The following RIN3 variants were observed in gnomAD, a reference collection of about 807,000 sequenced individuals.
RIN3 encodes the protein Ras and Rab interactor 3.
RIN3 carries 54 observed loss-of-function variants against 76.3 expected under a neutral mutation model. The observed-to-expected ratio is 0.71, with a 90% CI of 0.57 to 0.89. The LOEUF (loss-of-function observed/expected upper bound fraction) is 0.89. Ranked by LOEUF, RIN3 falls within the 40% of genes least tolerant of loss-of-function variation. The probability of loss-of-function intolerance (pLI) is 0.00; values close to 1 mark genes in which losing one functional copy is unlikely to be tolerated. For synonymous variants in RIN3, 576 were observed against 564.0 expected (o/e 1.02, Z -0.30); for missense variants, 1,256 against 1,322.1 (o/e 0.95, Z 0.78).
At chr14:92,587,574 G>A (rs1197266126) in intron 3 of RIN3, among the ~76,000 whole-genome samples, 1 of 152,154 alleles carries the variant, frequency 6.6e-6, no homozygotes, top group African/African-American at 2.4e-5. Context: ...TTAGTATTGT[G>A]GGTGGCCAAG....
Position 92,676,500 on chromosome 14 carries a change from C to G in RIN3, c.2361C>G (p.Phe787Leu), listed in dbSNP as rs1297056604. The G allele has an allele frequency of 3.7e-6, 6 of 1,614,176 alleles. No individual in the cohort carries two copies. The highest frequency in any genetic ancestry group is 5.1e-6 in the Non-Finnish European group (6 of 1,180,022). ...GGAAGCCCTATGGGGCGGATGACTT[C>G]CTGCCTGTGCTCATGTATGTGCTGG... ...NPGKPYGADD[F>L]LPVLMYVLAR... is the part of the protein sequence containing the mutation. Residue 787 changes from phenylalanine (F) to leucine (L), a missense_variant, in exon 8 of 10, where the codon TTC becomes TTG. Transcript: ENST00000216487.
intron 4 of RIN3, among the ~76,000 whole-genome samples, chr14:92,622,866 C>A (rs897858164): frequency 6.6e-6 from 1 of 152,224 alleles, no homozygotes; most frequent in Non-Finnish European, 1.5e-5. Context: ...TGGTCAACAA[C>A]AATTTCCTCC....
chr14:92,536,270 G>A (rs1323746388), intron 1 of RIN3, among the ~76,000 whole-genome samples: 1 of 152,168 alleles, frequency 6.6e-6, no homozygotes, highest in Non-Finnish European at 1.5e-5. Flanking sequence ...CACTGATGCT[G>A]TAGACCGTTT....
At chr14:92,662,784 C>A (rs1887937659) in intron 7 of RIN3, among the ~76,000 whole-genome samples, 1 of 152,022 alleles carries the variant, frequency 6.6e-6, no homozygotes, top group South Asian at 2.1e-4. Context: ...CCCTAGCTTC[C>A]TGGAATTCTT....
At chr14:92,658,239 G>A (rs7142369) in intron 6 of RIN3, among the ~76,000 whole-genome samples, 13,683 of 152,246 alleles carry the variant, frequency 0.09, 779 homozygotes, top group Middle Eastern at 0.19. Flanking sequence ...AGAGCTGATC[G>A]GGAATGCCTC....
At chr14:92,528,154 C>G (rs1896793467) in intron 1 of RIN3, among the ~76,000 whole-genome samples, 1 of 152,176 alleles carries the variant, frequency 6.6e-6, no homozygotes, top group South Asian at 2.1e-4. Flanking sequence ...GGAGGGCTCA[C>G]TGGAGTGTAT....
Position 92,688,002 on chromosome 14 carries a change from A to G in RIN3, c.2708A>G (p.Gln903Arg), listed in dbSNP as rs751841736. Residue 903 changes from glutamine (Q) to arginine (R), a missense_variant, in exon 10 of 10, where the codon CAG (glutamine) becomes CGG (arginine). Physicochemically the swap from Gln to Arg is conservative, Grantham distance 43 (BLOSUM62 1). Around this residue, in one of 3 missense-constraint regions of RIN3, gnomAD observed 218 missense variants for 174.5 expected, o/e 1.25. Transcript: ENST00000216487. ...GCGTCGCGGGCGGACACCCAGGCCCAGGCGCTGTGCGCGCAGTGCGCGGAG... is the reference window on the plus strand; with the variant it reads ...GCGTCGCGGGCGGACACCCAGGCCCGGGCGCTGTGCGCGCAGTGCGCGGAG... ...TLASRADTQA[Q>R]ALCAQCAEKF... The G allele has an allele frequency of 1.3e-5, 20 of 1,572,388 alleles. No homozygotes were observed. The highest frequency in any genetic ancestry group is 1.2e-4 in the South Asian group (10 of 86,594).
chr14:92,652,155 A>G lies in RIN3; in HGVS notation c.1106A>G (p.Gln369Arg), dbSNP rs1887467290. 3 of 1,599,364 alleles carry G rather than the reference A, an allele frequency of 1.9e-6. No individual in the cohort carries two copies. The highest frequency in any genetic ancestry group is 1.3e-5 in the African/African-American group (1 of 74,646). Residue 369 changes from glutamine (Q) to arginine (R), a missense_variant, in exon 6 of 10, where the codon CAG (glutamine) becomes CGG (arginine). By Grantham distance (43) the Gln-to-Arg change is conservative (BLOSUM62 1). This residue lies in a region of RIN3 where 610 missense variants were observed against 626.4 expected (regional missense o/e 0.97). Coordinates refer to ENST00000216487, the MANE Select transcript of RIN3 (RefSeq NM_024832.5). The surrounding 1 kb of genome is among the most constrained non-coding windows in gnomAD (Gnocchi z 6.4). ...MKPGAASSPLQQVPAPPLPAK... is the reference protein window; with the variant it reads ...MKPGAASSPLRQVPAPPLPAK... ...CCAGGGGCAGCCTCCAGTCCCTTGC[A>G]GCAGGTCCCCGCCCCGCCACTGCCT...
At position 92,651,902 on chromosome 14, in the gene RIN3, C is replaced by G; in HGVS notation, c.853C>G (p.Pro285Ala). ...CCCACGCCGCCCACCACCCCCTCCCCCAGTGCTGCCCCTGCAGCCCTGCAG... is the reference window on the plus strand; with the variant it reads ...CCCACGCCGCCCACCACCCCCTCCCGCAGTGCTGCCCCTGCAGCCCTGCAG... Reference protein sequence around the residue: ...WAPRRPPPPPPVLPLQPCSPA... With the variant: ...WAPRRPPPPPAVLPLQPCSPA... Residue 285 changes from proline (P) to alanine (A), a missense_variant, in exon 6 of 10, where the codon CCA (proline) becomes GCA (alanine). By Grantham distance (27) the Pro-to-Ala change is conservative (BLOSUM62 -1). Coordinates refer to ENST00000216487, the MANE Select transcript of RIN3 (RefSeq NM_024832.5). 6.3e-7 allele frequency: 1 copy of G among 1,587,674 alleles called. No individual in the cohort carries two copies.
chr14:92,615,395 G>T lies in RIN3; in HGVS notation c.368-12G>T. 2.5e-6 allele frequency: 4 copies of T among 1,613,424 alleles called. No individual in the cohort carries two copies. Among genetic ancestry groups the T allele is most frequent in the Non-Finnish European group, 3.4e-6 (4 of 1,179,480 alleles). On this transcript the variant is annotated splice_polypyrimidine_tract_variant and intron_variant, in intron 3 of 9. Coordinates refer to ENST00000216487, the MANE Select transcript of RIN3 (RefSeq NM_024832.5). Reference sequence around the variant, plus strand: ...ACTCACCTCACCCAGGGCCCTTCTTGTGTCTCCCCAGTATTGTACCTGGAA... The same window carrying T: ...ACTCACCTCACCCAGGGCCCTTCTTTTGTCTCCCCAGTATTGTACCTGGAA...
intron 2 of RIN3, among the ~76,000 whole-genome samples, chr14:92,576,859 A>T (rs1432040783): frequency 6.6e-6 from 1 of 152,114 alleles, no homozygotes; most frequent in Non-Finnish European, 1.5e-5. Context: ...AGGGGAAAAA[A>T]TGGTGTGAAT....
chr14:92,601,686 G>A (rs1885351217), intron 3 of RIN3, among the ~76,000 whole-genome samples: 1 of 152,180 alleles, frequency 6.6e-6, no homozygotes, highest in African/African-American at 2.4e-5. Context: ...CAGGAAGCAG[G>A]TGGGATTGCT....
chr14:92,637,452 G>A (rs900282763), intron 4 of RIN3, among the ~76,000 whole-genome samples: 2 of 152,152 alleles, frequency 1.3e-5, no homozygotes, highest in Admixed American at 6.5e-5. Flanking sequence ...TCACTCGCCC[G>A]CTGCTCACCT....
chr14:92,688,099 GGAC>G lies in RIN3; in HGVS notation c.2810_2812del (p.Asp937del). The G allele has an allele frequency of 6.2e-7, 1 of 1,607,358 alleles. No homozygotes were observed. Among genetic ancestry groups the G allele is most frequent in the Non-Finnish European group, 8.5e-7 (1 of 1,177,766 alleles). On this transcript the variant is annotated inframe_deletion, in exon 10 of 10. Coordinates refer to ENST00000216487, the MANE Select transcript of RIN3 (RefSeq NM_024832.5). ...TGGACGGGCGCTGCTTCCAGCTGGC[GGAC>G]GACGCGCTGCCGCACTGCATCAAGG...
At chr14:92,609,314 A>G (rs976310601) in intron 3 of RIN3, among the ~76,000 whole-genome samples, 25 of 152,152 alleles carry the variant, frequency 1.6e-4, no homozygotes, top group Admixed American at 1.6e-3. Flanking sequence ...AGGGTGAGTC[A>G]CTGGTGAAAG....
chr14:92,604,170 T>C (rs879805704), intron 3 of RIN3, among the ~76,000 whole-genome samples: 8 of 151,846 alleles, frequency 5.3e-5, no homozygotes, highest in Non-Finnish European at 1.2e-4. Context: ...CATGGAAGAG[T>C]GGGCATGGCC....
At chr14:92,647,973 C>T (rs1251574725) in intron 5 of RIN3, among the ~76,000 whole-genome samples, 1 of 152,150 alleles carries the variant, frequency 6.6e-6, no homozygotes, top group African/African-American at 2.4e-5. Flanking sequence ...AGTATGGTGC[C>T]TTTGGGGACT....
At chr14:92,584,186 C>T (rs1045069651) in intron 3 of RIN3, among the ~76,000 whole-genome samples, 26 of 152,194 alleles carry the variant, frequency 1.7e-4, no homozygotes, top group African/African-American at 6.0e-4. Context: ...CAACCCCCCA[C>T]AGATACCAAG....
chr14:92,531,220 C>T (rs752841377), intron 1 of RIN3, among the ~76,000 whole-genome samples: 3 of 152,124 alleles, frequency 2.0e-5, no homozygotes, highest in Admixed American at 6.5e-5. Context: ...CTGTGTCTGG[C>T]GGGGTCCAGT....
Sources: gnomAD v4.1 joint callset for allele counts (sites outside exome capture counted in the v4.1 genomes callset) on GRCh38, gnomAD v4.1.1 for gene constraint, gnomAD v4.1.1 regional missense constraint, Gnocchi (gnomAD v3.1) non-coding constraint, MANE v1.5 for transcripts, NCBI Gene and HGNC (gene_info 2026-07-23, HGNC 2026-07-21) for gene names.